The following SAMD4A variants were observed in gnomAD, a reference collection of about 807,000 sequenced individuals.
SAMD4A encodes the protein protein Smaug homolog 1.
SAMD4A carries 33 observed loss-of-function variants against 81.3 expected under a neutral mutation model. The observed-to-expected ratio is 0.41, with a 90% CI of 0.31 to 0.54. The LOEUF (loss-of-function observed/expected upper bound fraction) is 0.54. Among genes scored for constraint, SAMD4A ranks in the 20% least tolerant of loss-of-function variants. The pLI is 0.37. For synonymous variants in SAMD4A, 389 were observed against 382.1 expected (o/e 1.02, Z -0.21); for missense variants, 854 against 951.1 (o/e 0.90, Z 1.34).
chr14:54,748,735 T>C, intron 4 of SAMD4A, 80 bp from the exon 5 acceptor site: 1 of 957,296 alleles, frequency 1.0e-6, no homozygotes, highest in South Asian at 1.5e-5. Flanking sequence ...TCTTTTCCTT[T>C]CTCTGTTCCT....
rs192608980 is a variant in SAMD4A, at chr14:54,674,142, A to G, written c.197-27920A>G. Among the ~76,000 whole-genome samples, 211 of 152,356 alleles carry G rather than the reference A, an allele frequency of 1.4e-3. 1 individual carries two copies. The highest frequency in any genetic ancestry group is 4.4e-3 in the Admixed American group (68 of 15,310). Reference sequence around the variant, plus strand: ...GGCATTCTCATTCTTTTCTCTGGAAAGAAGTGTTTATGCAAAGGAGGCCTA... The same window carrying G: ...GGCATTCTCATTCTTTTCTCTGGAAGGAAGTGTTTATGCAAAGGAGGCCTA... On this transcript the variant is annotated intron_variant, in intron 2 of 12. Coordinates refer to ENST00000554335, the MANE Select transcript of SAMD4A (RefSeq NM_015589.6).
chr14:54,731,915 G>C (rs982590365), intron 3 of SAMD4A, among the ~76,000 whole-genome samples: 1 of 152,196 alleles, frequency 6.6e-6, no homozygotes, highest in African/African-American at 2.4e-5. Flanking sequence ...TCAGCTTCTA[G>C]ACTCTAAAAC....
intron 10 of SAMD4A, 34 bp downstream of exon 10, chr14:54,775,169 C>A (rs1163191705): frequency 6.2e-7 from 1 of 1,612,620 alleles, no homozygotes; most frequent in East Asian, 2.2e-5. Flanking sequence ...GGAGGATGGC[C>A]AAGCTCAAGG....
intron 2 of SAMD4A, among the ~76,000 whole-genome samples, chr14:54,586,968 A>T (rs1411027619): frequency 6.6e-6 from 1 of 151,868 alleles, no homozygotes; most frequent in Non-Finnish European, 1.5e-5. Flanking sequence ...GTGAAGAACG[A>T]TGGTGGTATT....
intron 2 of SAMD4A, among the ~76,000 whole-genome samples, chr14:54,573,667 C>A (rs1476569818): frequency 2.6e-5 from 4 of 152,142 alleles, no homozygotes; most frequent in Admixed American, 1.3e-4. Flanking sequence ...TCATTCCTTC[C>A]AAGGCCTCAC....
chr14:54,643,864 C>T (rs1037314670), intron 2 of SAMD4A, among the ~76,000 whole-genome samples: 1 of 152,124 alleles, frequency 6.6e-6, no homozygotes, highest in African/African-American at 2.4e-5. Context: ...TGCTTTCAGC[C>T]TGGAGAACAG....
rs533725330 is a variant in SAMD4A at position 54,788,198 on chromosome 14, G to A, written c.2129-718G>A. Among the ~76,000 whole-genome samples the A allele has an allele frequency of 6.4e-4, 97 of 152,304 alleles. 1 individual carries two copies. The highest frequency in any genetic ancestry group is 2.2e-3 in the African/African-American group (91 of 41,566). On this transcript the variant is annotated intron_variant, in intron 12 of 12. Transcript: ENST00000554335. ...GAATCTGGATTTGTTTGGGTCAGAT[G>A]TGTCCATCCCTCTGGTCTGCTCAGC...
At chr14:54,788,847 T>C (rs930362599) in intron 12 of SAMD4A, 69 bp from the exon 13 acceptor site, 16 of 1,597,122 alleles carry the variant, frequency 1.0e-5, no homozygotes, top group Non-Finnish European at 1.4e-5. Flanking sequence ...TGCATGGCGT[T>C]GGCATAGGTG....
chr14:54,591,517 C>T (rs2033773517), intron 2 of SAMD4A, among the ~76,000 whole-genome samples: 1 of 135,488 alleles, frequency 7.4e-6, no homozygotes, highest in East Asian at 2.2e-4. Flanking sequence ...TGGAGGGAAT[C>T]CTGTATTTTG....
chr14:54,677,856 A>T (rs74049550), intron 2 of SAMD4A, among the ~76,000 whole-genome samples: 2,119 of 152,310 alleles, frequency 0.014, 45 homozygotes, highest in African/African-American at 0.048. Context: ...CTATTGAATT[A>T]GTCTTTTGGG....
Position 54,702,575 on chromosome 14 carries a change from G to T in SAMD4A, c.710G>T (p.Ser237Ile). 1 of 1,613,668 alleles carries T rather than the reference G, an allele frequency of 6.2e-7. No homozygotes were observed. Among genetic ancestry groups the T allele is most frequent in the Non-Finnish European group, 8.5e-7 (1 of 1,179,674 alleles). Residue 237 changes from serine to isoleucine, a missense_variant, in exon 3 of 13, where the codon AGT becomes ATT. By Grantham distance (142) the Ser-to-Ile change is moderately radical. Coordinates refer to ENST00000554335, the MANE Select transcript of SAMD4A (RefSeq NM_015589.6). Reference sequence around the variant, plus strand: ...ATCAATACGATTGGAACCAGCACAAGTACAAGTAAGTTCCCCGGAATCCCT... The same window carrying T: ...ATCAATACGATTGGAACCAGCACAATTACAAGTAAGTTCCCCGGAATCCCT... ...TTINTIGTST[S>I]TILSGQAHHS... is the part of the protein sequence containing the mutation.
Position 54,568,067 on chromosome 14 carries a change from G to C in SAMD4A, c.151G>C (p.Asp51His). ...GCTCTGCCTGGAGCACTCGCTGGCC[G>C]ACTGCGCCGAGCTGCACGTCCTCGA... ...LQLCLEHSLA[D>H]CAELHVLERE... The change falls in exon 2 of 13, where the codon GAC becomes CAC. Residue 51 changes from aspartate to histidine, a missense_variant. Asp to His is a moderately conservative substitution (Grantham distance 81, BLOSUM62 -1). Transcript: ENST00000554335. 1 of 1,588,438 alleles carries C rather than the reference G, an allele frequency of 6.3e-7. No individual in the cohort carries two copies. Among genetic ancestry groups the C allele is most frequent in the Non-Finnish European group, 8.5e-7 (1 of 1,174,612 alleles).
chr14:54,566,780 C>G (rs1188044666), upstream of SAMD4A, among the ~76,000 whole-genome samples: 1 of 151,980 alleles, frequency 6.6e-6, no homozygotes, highest in East Asian at 1.9e-4. Context: ...CGCGCGCGCA[C>G]AGTGACCGCT....
chr14:54,603,134 A>T (rs2034106189), intron 2 of SAMD4A, among the ~76,000 whole-genome samples: 1 of 152,220 alleles, frequency 6.6e-6, no homozygotes, highest in South Asian at 2.1e-4. Context: ...TGGCATGAAC[A>T]CACTGGGGCC....
At chr14:54,674,005 T>C (rs1292669102) in intron 2 of SAMD4A, among the ~76,000 whole-genome samples, 1 of 152,182 alleles carries the variant, frequency 6.6e-6, no homozygotes, top group African/African-American at 2.4e-5. Flanking sequence ...TTAGGGCACA[T>C]AGAATTAAGT....
chr14:54,606,749 G>A (rs1216959705), intron 2 of SAMD4A, among the ~76,000 whole-genome samples: 1 of 152,236 alleles, frequency 6.6e-6, no homozygotes, highest in Non-Finnish European at 1.5e-5. Flanking sequence ...TACATGGTAT[G>A]TGGCAGTTAA....
In SAMD4A at chr14:54,727,166, C is replaced by CTTTTTTTTTTTTTTTTTTTTTTTTT. The variant is rs567831973; in HGVS notation, c.716-9841_716-9817dup. 1.7e-4 allele frequency among the ~76,000 whole-genome samples: 10 copies of CTTTTTTTTTTTTTTTTTTTTTTTTT among 59,186 alleles called. 2 individuals are homozygous for CTTTTTTTTTTTTTTTTTTTTTTTTT. The highest frequency in any genetic ancestry group is 2.4e-4 in the Non-Finnish European group (7 of 29,778). The allele number at this position is 59,186 out of a possible 152,430, so 38.8% of individuals were successfully genotyped here. On this transcript the variant is annotated intron_variant, in intron 3 of 12. Transcript: ENST00000554335. ...TTATCACAACAGCCTTCTTTTTTTC[C>CTTTTTTTTTTTTTTTTTTTTTTTTT]TTTTTTTTTTTTTTTTTTTTTTTTT...
At chr14:54,765,460 GAAA>G (rs11408246) in intron 8 of SAMD4A, among the ~76,000 whole-genome samples, 6 of 119,400 alleles carry the variant, frequency 5.0e-5, no homozygotes, top group African/African-American at 6.3e-5. Context: ...CTGTCACTAC[GAAA>G]AAAAAAAAAA....
intron 2 of SAMD4A, among the ~76,000 whole-genome samples, chr14:54,609,670 G>A (rs533789581): frequency 1.3e-5 from 2 of 152,314 alleles, no homozygotes; most frequent in East Asian, 3.9e-4. Flanking sequence ...TGTAATTGAC[G>A]AGTGCATCAT....
Sources: allele counts gnomAD v4.1 joint callset (sites outside exome capture counted in the v4.1 genomes callset), GRCh38; gene constraint gnomAD v4.1.1; transcripts MANE v1.5; gene names NCBI Gene and HGNC (gene_info 2026-07-23, HGNC 2026-07-21).